The following ZNF469 variants were observed in gnomAD, a reference collection of about 807,000 sequenced individuals.
ZNF469 encodes the protein zinc finger protein 469.
In ZNF469, 1 loss-of-function variant was observed where a neutral mutation model predicts 1.0. The observed-to-expected ratio is 1.00, with a 90% CI of 0.35 to 4.73. The LOEUF (loss-of-function observed/expected upper bound fraction) is 4.73. Among genes scored for constraint, ZNF469 ranks in the 30% most tolerant of loss-of-function variants. ZNF469 has a pLI of 0.16. For missense variants in ZNF469, 6,100 were observed against 5,356.3 expected (o/e 1.14, Z -4.33); for synonymous variants, 2,703 against 2,363.4 (o/e 1.14, Z -4.17).
the ZNF469 span, among the ~76,000 whole-genome samples, chr16:88,361,617 A>T: frequency 6.6e-6 from 1 of 151,800 alleles, no homozygotes; most frequent in African/African-American, 2.4e-5. Context: ...TTTGTCAGAT[A>T]CATGTTTTGA....
the ZNF469 span, among the ~76,000 whole-genome samples, chr16:88,194,044 C>G: frequency 1.8e-4 from 28 of 152,182 alleles, no homozygotes; most frequent in South Asian, 6.2e-4. Flanking sequence ...TCAGCGTGGC[C>G]CGGCACCTGC....
chr16:88,432,864 C>A lies in ZNF469; in HGVS notation c.5394C>A (p.Ser1798Arg). ...CCCCTGCTCCAGAAGCTTTTGGCAG[C>A]CCTGCTGTCCATCTGGCCCCTGACT... ...RGAPAPEAFG[S>R]PAVHLAPDLA... The change falls in exon 3 of 3, where the codon AGC becomes AGA. Residue 1798 changes from serine (S) to arginine (R), a missense_variant. Ser to Arg is a moderately radical substitution (Grantham distance 110, BLOSUM62 -1). Coordinates refer to ENST00000565624, the MANE Select transcript of ZNF469 (RefSeq NM_001367624.2). 1 of 1,550,272 alleles carries A rather than the reference C, an allele frequency of 6.5e-7. No individual in the cohort carries two copies. The highest frequency in any genetic ancestry group is 8.7e-7 in the Non-Finnish European group (1 of 1,146,954).
chr16:88,386,589 T>C (rs976560481), intron 1 of ZNF469, among the ~76,000 whole-genome samples: 5 of 152,118 alleles, frequency 3.3e-5, no homozygotes, highest in Non-Finnish European at 5.9e-5. Flanking sequence ...CAGCAGGCGC[T>C]GGCCGGTGAC....
chr16:88,231,341 A>G, the ZNF469 span, among the ~76,000 whole-genome samples: 1 of 152,144 alleles, frequency 6.6e-6, no homozygotes, highest in African/African-American at 2.4e-5. The surrounding 1 kb of genome is among the most constrained non-coding windows in gnomAD (Gnocchi z 4.5). Context: ...GACCCTGTGA[A>G]AGAGAAGCCC....
chr16:88,347,963 C>T, the ZNF469 span, among the ~76,000 whole-genome samples: 1 of 152,240 alleles, frequency 6.6e-6, no homozygotes, highest in East Asian at 1.9e-4. Context: ...GAGAGCTCCG[C>T]CAGGTGTCAG....
chr16:88,159,415 C>T, the ZNF469 span, among the ~76,000 whole-genome samples: 1 of 152,238 alleles, frequency 6.6e-6, no homozygotes, highest in African/African-American at 2.4e-5. Flanking sequence ...CCATCTGATC[C>T]CATCTTCTCA....
the ZNF469 span, among the ~76,000 whole-genome samples, chr16:88,324,138 C>T: frequency 6.6e-6 from 1 of 152,232 alleles, no homozygotes; most frequent in African/African-American, 2.4e-5. Context: ...CAGCGCCTCC[C>T]CACGGGGCCT....
intron 1 of ZNF469, among the ~76,000 whole-genome samples, chr16:88,398,515 ATGTGAGCCACAGATGAGGGGTG>A (rs1338982225): frequency 2.0e-5 from 3 of 150,684 alleles, no homozygotes; most frequent in Non-Finnish European, 4.4e-5. Flanking sequence ...ACAAGAGGAC[ATGTGAGCCACAGATGAGGGGTG>A]TGTGAGCCAC....
intron 1 of ZNF469, among the ~76,000 whole-genome samples, chr16:88,420,818 G>A (rs1209314459): frequency 2.6e-5 from 4 of 152,246 alleles, no homozygotes; most frequent in Non-Finnish European, 5.9e-5. Flanking sequence ...GTGGGAAAAC[G>A]GGCTCAGAGA....
At chr16:88,354,327 G>A in the ZNF469 span, among the ~76,000 whole-genome samples, 1 of 152,190 alleles carries the variant, frequency 6.6e-6, no homozygotes. Flanking sequence ...CAGGTTCGGG[G>A]TAGGAGGGCT....
At position 88,428,184 on chromosome 16, in the gene ZNF469, T is replaced by G. The variant is rs771673417; in HGVS notation, c.714T>G (p.Ala238=). Reference sequence around the variant, plus strand: ...GTGGGGCCGACTCCTGGCCTCCCGCTGCTGAGAATAGCTTCCCAGGTGCTA... The same window carrying G: ...GTGGGGCCGACTCCTGGCCTCCCGCGGCTGAGAATAGCTTCCCAGGTGCTA... ...QASGADSWPP[A]AENSFPGANF... Residue 238 remains alanine, a synonymous_variant, in exon 3 of 3, where the codon GCT becomes GCG. Coordinates refer to ENST00000565624, the MANE Select transcript of ZNF469 (RefSeq NM_001367624.2). The G allele has an allele frequency of 3.2e-6, 5 of 1,550,236 alleles. No homozygotes were observed. Among genetic ancestry groups the G allele is most frequent in the Non-Finnish European group, 4.4e-6 (5 of 1,146,916 alleles).
At chr16:88,227,455 A>T in the ZNF469 span, among the ~76,000 whole-genome samples, 1 of 148,948 alleles carries the variant, frequency 6.7e-6, no homozygotes, top group Non-Finnish European at 1.5e-5. Flanking sequence ...TCCCTCCCTC[A>T]GCTTCTCCCT....
rs867021038 is a variant in ZNF469 at position 88,429,540 on chromosome 16, C to T, written c.2070C>T (p.Phe690=). 3 of 1,549,644 alleles carry T rather than the reference C, an allele frequency of 1.9e-6. No homozygotes were observed. Among genetic ancestry groups the T allele is most frequent in the Admixed American group, 2.0e-5 (1 of 50,970 alleles). The part of the protein sequence containing the change: ...GAFQCLEETP[F]PHEGPEVGRG... ...TCCAGTGCCTGGAGGAGACCCCATT[C>T]CCCCACGAGGGCCCCGAGGTGGGTC... The change falls in exon 3 of 3, where the codon TTC becomes TTT. Residue 690 remains phenylalanine (F), a synonymous_variant. Coordinates refer to ENST00000565624, the MANE Select transcript of ZNF469 (RefSeq NM_001367624.2).
At chr16:88,177,156 T>G in the ZNF469 span, 1 of 152,138 alleles carries the variant, frequency 6.6e-6, no homozygotes, top group African/African-American at 2.4e-5. The surrounding 1 kb of genome is among the most constrained non-coding windows in gnomAD (Gnocchi z 4.8). Context: ...CTCATCTGGA[T>G]AGAAAAAGAG....
At chr16:88,317,460 G>A in the ZNF469 span, among the ~76,000 whole-genome samples, 1 of 152,188 alleles carries the variant, frequency 6.6e-6, no homozygotes. Flanking sequence ...GGTTGGAAGA[G>A]TTTCGCATCC....
chr16:88,394,999 G>C, intron 1 of ZNF469, among the ~76,000 whole-genome samples: 1 of 152,234 alleles, frequency 6.6e-6, no homozygotes, highest in East Asian at 1.9e-4. Context: ...TCCACTCTGG[G>C]ATCTGGGCTT....
chr16:88,290,223 A>G, the ZNF469 span, among the ~76,000 whole-genome samples: 65,577 of 152,170 alleles, frequency 0.43, 15,123 homozygotes, highest in African/African-American at 0.62. Flanking sequence ...GCCTGGCTGC[A>G]GATTTCCTGT....
the ZNF469 span, among the ~76,000 whole-genome samples, chr16:88,225,983 T>A: frequency 2.0e-5 from 3 of 152,058 alleles, no homozygotes; most frequent in African/African-American, 4.8e-5. Flanking sequence ...TCCTTGCACA[T>A]GGCAGAAGGG....
the ZNF469 span, among the ~76,000 whole-genome samples, chr16:88,374,784 C>T: frequency 6.9e-5 from 10 of 143,908 alleles, no homozygotes; most frequent in Non-Finnish European, 1.3e-4. Flanking sequence ...GCCAAGTGGG[C>T]TGAGATCGAC....
Sources: gnomAD v4.1 joint callset for allele counts (sites outside exome capture counted in the v4.1 genomes callset) on GRCh38, gnomAD v4.1.1 for gene constraint, Gnocchi (gnomAD v3.1) non-coding constraint, MANE v1.5 for transcripts, NCBI Gene and HGNC (gene_info 2026-07-23, HGNC 2026-07-21) for gene names.